The following INO80 variants were observed in gnomAD, a reference collection of about 807,000 sequenced individuals.
INO80 encodes the protein INO80 complex ATPase subunit, also known as chromatin-remodeling ATPase INO80.
Under a neutral mutation model 203.4 loss-of-function variants are expected in INO80, and 20 were observed. The observed-to-expected ratio is 0.10, with a 90% CI of 0.07 to 0.14. INO80 has a LOEUF of 0.14. Among genes scored for constraint, INO80 ranks in the 10% least tolerant of loss-of-function variants. The pLI, the probability that INO80 is intolerant of heterozygous loss-of-function variation, is 1.00. For synonymous variants in INO80, 726 were observed against 685.2 expected, an observed-to-expected ratio of 1.06 and a Z score of -0.93; for missense variants, 1,419 against 1,914.4, an observed-to-expected ratio of 0.74 and a Z score of 4.83.
At chr15:41,009,966 ATATAT>A (rs959726291) in intron 27 of INO80, among the ~76,000 whole-genome samples, 7 of 152,156 alleles carry the variant, frequency 4.6e-5, no homozygotes, top group African/African-American at 1.7e-4. Context: ...AACCCCTCTA[ATATAT>A]AAAATAGATA....
rs756225108 is a variant in INO80, at chr15:41,055,237, C to T, written c.2188+10G>A. 3 of 1,503,528 alleles carry T rather than the reference C, an allele frequency of 2.0e-6. No homozygotes were observed. Among genetic ancestry groups the T allele is most frequent in the Non-Finnish European group, 2.8e-6 (3 of 1,082,420 alleles). The allele number at this position is 1,503,528 out of a possible 1,614,324, so 93.1% of individuals were successfully genotyped here. A position where few individuals can be genotyped will look rare whatever the true frequency, so the allele number is the denominator to read the frequency against. The stretch of plus-strand genomic sequence containing the variant: ...AGGTAGATAGAAAGCCAGCTCATAA[C>T]AGTACTCACTCTCATCAATAGCAGA... On this transcript the variant is annotated intron_variant, in intron 18 of 35. Coordinates refer to ENST00000648947, the MANE Select transcript of INO80 (RefSeq NM_017553.3).
intron 27 of INO80, among the ~76,000 whole-genome samples, chr15:41,008,224 T>TACATACACACACACACAC (rs371635345): frequency 6.7e-6 from 1 of 148,824 alleles, no homozygotes; most frequent in African/African-American, 2.5e-5. Context: ...TATATATACA[T>TACATACACACACACACAC]ACACACACAC....
intron 34 of INO80, 55 bp from the exon 35 acceptor site, chr15:40,983,132 A>C (rs1281541951): frequency 7.1e-7 from 1 of 1,398,826 alleles, no homozygotes; most frequent in Admixed American, 1.9e-5. Context: ...TCAATCTCCA[A>C]GATGTTAACA....
In INO80 at chr15:41,073,507, A is replaced by C; in HGVS notation, c.1328-12T>G. The C allele has an allele frequency of 1.9e-6, 3 of 1,604,802 alleles. No individual in the cohort carries two copies. Among genetic ancestry groups the C allele is most frequent in the Non-Finnish European group, 2.6e-6 (3 of 1,171,478 alleles). On this transcript the variant is annotated splice_polypyrimidine_tract_variant and intron_variant, in intron 10 of 35. Coordinates refer to ENST00000648947, the MANE Select transcript of INO80 (RefSeq NM_017553.3). The stretch of plus-strand genomic sequence containing the variant: ...AAAATGGTTACTATCTGAAAAGCAA[A>C]ATTTATGGATTATCACACTTTATCA...
chr15:41,084,893 C>T (rs1430110035), intron 7 of INO80, among the ~76,000 whole-genome samples: 2 of 152,248 alleles, frequency 1.3e-5, no homozygotes, highest in South Asian at 2.1e-4. Flanking sequence ...TGTGCCGCTA[C>T]GCCCAGTTCA....
At position 40,979,946 on chromosome 15, in the gene INO80, C is replaced by T. The variant is rs1893754313; in HGVS notation, c.*277G>A. ...AAGGGGGTCTGTGTCAGGCTTGCCC[C>T]GTGAGAGGTTTAAGACTTGGCTATA... On this transcript the variant is annotated 3_prime_UTR_variant, in exon 36 of 36. Coordinates refer to ENST00000648947, the MANE Select transcript of INO80 (RefSeq NM_017553.3). 1.3e-5 allele frequency: 6 copies of T among 471,902 alleles called. No individual in the cohort carries two copies. Among genetic ancestry groups the T allele is most frequent in the South Asian group, 4.6e-5 (2 of 43,014 alleles). 29.2% of individuals were successfully genotyped at this position (471,902 alleles called of 1,614,324 possible).
chr15:40,991,849 C>A (rs2043820826), intron 29 of INO80, among the ~76,000 whole-genome samples: 4 of 152,044 alleles, frequency 2.6e-5, no homozygotes, highest in Admixed American at 2.6e-4. Flanking sequence ...TCTTGACTCA[C>A]TGCAAGCTCC....
chr15:41,109,616 G>A (rs997173077), intron 1 of INO80, among the ~76,000 whole-genome samples: 10 of 151,864 alleles, frequency 6.6e-5, no homozygotes, highest in African/African-American at 2.4e-4. Flanking sequence ...GGCTAACATG[G>A]TGAAACCCTA....
At chr15:41,030,303 A>G (rs766791866) in intron 24 of INO80, among the ~76,000 whole-genome samples, 2 of 152,210 alleles carry the variant, frequency 1.3e-5, no homozygotes, top group African/African-American at 2.4e-5. Flanking sequence ...CCTTTCTGGA[A>G]AAAGTCTGAC....
At chr15:41,093,164 T>C (rs1262070680) in intron 4 of INO80, among the ~76,000 whole-genome samples, 1 of 152,222 alleles carries the variant, frequency 6.6e-6, no homozygotes, top group Non-Finnish European at 1.5e-5. Flanking sequence ...CAGTGGCTCA[T>C]GTCTGTAATC....
Position 40,980,036 on chromosome 15 carries a change from G to T in INO80, c.*187C>A. On this transcript the variant is annotated 3_prime_UTR_variant, in exon 36 of 36. Coordinates refer to ENST00000648947, the MANE Select transcript of INO80 (RefSeq NM_017553.3). ...TGGCCTTCCTCCTACAGGCACCCCAGATGCTCCTGATGAGACACAGATGAT... is the reference window on the plus strand; with the variant it reads ...TGGCCTTCCTCCTACAGGCACCCCATATGCTCCTGATGAGACACAGATGAT... 2 of 604,694 alleles carry T rather than the reference G, an allele frequency of 3.3e-6. No homozygotes were observed. The allele number at this position is 604,694 out of a possible 1,614,324, so 37.5% of individuals were successfully genotyped here.
rs565048857 is a variant in INO80, at chr15:40,995,263, G to A, written c.3570+2266C>T. Among the ~76,000 whole-genome samples, 67 of 152,342 alleles carry A rather than the reference G, an allele frequency of 4.4e-4. 2 individuals are homozygous for A. The South Asian group carries it at 0.011, about 24-fold the overall frequency. ...TAACTTGAATAAAGGGAGGGGCTGG[G>A]AAAGGAATATTGACACCTGAATGGG... On this transcript the variant is annotated intron_variant, in intron 29 of 35. Transcript: ENST00000648947.
intron 27 of INO80, 50 bp downstream of exon 27, chr15:41,016,038 T>C (rs2044202888): frequency 5.3e-6 from 8 of 1,511,438 alleles, no homozygotes; most frequent in Non-Finnish European, 7.3e-6. Flanking sequence ...ATCTGATTCC[T>C]ACAAATTAAA....
At position 40,980,310 on chromosome 15, in the gene INO80, G is replaced by C; in HGVS notation, c.4584C>G (p.Pro1528=). 1.9e-6 allele frequency: 3 copies of C among 1,613,940 alleles called. No individual in the cohort carries two copies. The highest frequency in any genetic ancestry group is 1.3e-5 in the African/African-American group (1 of 75,040). ...LSKGNNVPGN[P]KNLHMTSSLA... is the part of the protein sequence containing the mutation. The stretch of plus-strand genomic sequence containing the variant: ...GGCTGCTGGTCATGTGGAGGTTCTT[G>C]GGATTCCCAGGAACATTATTTCCCT... The change falls in exon 36 of 36, where the codon CCC becomes CCG. Residue 1528 remains proline (P), a synonymous_variant. Transcript: ENST00000648947.
chr15:41,072,172 C>A, intron 11 of INO80, 114 bp from the exon 12 acceptor site: 2 of 632,172 alleles, frequency 3.2e-6, no homozygotes, highest in Non-Finnish European at 2.6e-6. Context: ...ATAATTGGAA[C>A]AAAATTTCTC....
At chr15:41,088,509 A>G (rs2045592756) in intron 5 of INO80, among the ~76,000 whole-genome samples, 1 of 152,104 alleles carries the variant, frequency 6.6e-6, no homozygotes, top group Non-Finnish European at 1.5e-5. Flanking sequence ...TCCCACTAAG[A>G]CAGTCTGCTA....
At chr15:41,115,106 TG>T (rs1272575693) in intron 1 of INO80, among the ~76,000 whole-genome samples, 1 of 152,192 alleles carries the variant, frequency 6.6e-6, no homozygotes, top group Admixed American at 6.6e-5. Context: ...GAGGAAATAA[TG>T]AAAGTCACTG....
intron 4 of INO80, among the ~76,000 whole-genome samples, chr15:41,094,944 G>A (rs561549690): frequency 4.0e-5 from 6 of 151,880 alleles, no homozygotes; most frequent in African/African-American, 1.4e-4. Flanking sequence ...TTCAGACTAT[G>A]TGTATAAGGT....
chr15:40,987,304 T>C, intron 30 of INO80, 111 bp from the exon 31 acceptor site: 1 of 613,690 alleles, frequency 1.6e-6, no homozygotes, highest in Non-Finnish European at 2.9e-6. Context: ...AGGCCTCTGG[T>C]TTCCTATTTC....
Sources: allele counts gnomAD v4.1 joint callset (sites outside exome capture counted in the v4.1 genomes callset), GRCh38; gene constraint gnomAD v4.1.1; transcripts MANE v1.5; gene names NCBI Gene and HGNC (gene_info 2026-07-23, HGNC 2026-07-21).